The following RELA variants were observed in gnomAD, a reference collection of about 807,000 sequenced individuals.
RELA encodes the protein RELA proto-oncogene, NF-kB subunit.
Under a neutral mutation model 56.7 loss-of-function variants are expected in RELA, and 14 were observed. That is an observed-to-expected ratio of 0.25 (90% CI 0.16 to 0.39). The LOEUF is 0.39. Among genes scored for constraint, RELA ranks in the 10% least tolerant of loss-of-function variants. RELA has a pLI of 1.00. For synonymous variants in RELA, 315 were observed against 289.7 expected (o/e 1.09, Z -0.89); for missense variants, 559 against 736.4 (o/e 0.76, Z 2.79).
Position 65,654,324 on chromosome 11 carries a change from G to A in RELA, c.*54C>T, listed in dbSNP as rs1565187411. ...CCACCAGAATCCGTAAGTGCTTTTGGAGGGCTTCAATCCCCTGCAACCCAG... is the reference window on the plus strand; with the variant it reads ...CCACCAGAATCCGTAAGTGCTTTTGAAGGGCTTCAATCCCCTGCAACCCAG... On this transcript the variant is annotated 3_prime_UTR_variant, in exon 11 of 11. Transcript: ENST00000406246. 5.0e-6 allele frequency: 8 copies of A among 1,612,196 alleles called. No homozygotes were observed. Among genetic ancestry groups the A allele is most frequent in the Non-Finnish European group, 5.9e-6 (7 of 1,179,212 alleles).
chr11:65,662,782 C>T, intron 1 of RELA, 44 bp downstream of exon 1: 2 of 1,193,716 alleles, frequency 1.7e-6, no homozygotes, highest in Non-Finnish European at 1.0e-6. Flanking sequence ...ACAGCCGCGG[C>T]GGCCCCGGCG....
At chr11:65,663,800 C>A (rs1856631232), upstream of RELA, among the ~76,000 whole-genome samples, 1 of 151,286 alleles carries the variant, frequency 6.6e-6, no homozygotes, top group Non-Finnish European at 1.5e-5. Context: ...TGTCATGTGA[C>A]CCCACAGTGC....
Position 65,653,819 on chromosome 11 carries a change from C to T in RELA, c.*559G>A, listed in dbSNP as rs1224537791. 5.8e-6 allele frequency: 1 copy of T among 173,234 alleles called. No individual in the cohort carries two copies. Among genetic ancestry groups the T allele is most frequent in the Non-Finnish European group, 1.2e-5 (1 of 80,468 alleles). 10.7% of individuals were successfully genotyped at this position (173,234 alleles called of 1,614,324 possible). On this transcript the variant is annotated 3_prime_UTR_variant, in exon 11 of 11. Transcript: ENST00000406246. ...ATCCTGGAGAGAGCCAGTGCTGTTGCACTGGTTTCCTTCAGCCATGGTTGA... is the reference window on the plus strand; with the variant it reads ...ATCCTGGAGAGAGCCAGTGCTGTTGTACTGGTTTCCTTCAGCCATGGTTGA...
intron 4 of RELA, among the ~76,000 whole-genome samples, chr11:65,660,966 A>G (rs1165350271): frequency 2.0e-5 from 3 of 149,050 alleles, no homozygotes; most frequent in Non-Finnish European, 4.4e-5. Flanking sequence ...ATGAACCCGG[A>G]AGGTGGAGGT....
chr11:65,658,774 G>C lies in RELA; in HGVS notation c.608C>G (p.Ser203Cys), dbSNP rs1856491874. 6.2e-7 allele frequency: 1 copy of C among 1,614,138 alleles called. No individual in the cohort carries two copies. Among genetic ancestry groups the C allele is most frequent in the Non-Finnish European group, 8.5e-7 (1 of 1,180,020 alleles). ...ELKICRVNRN[S>C]GSCLGGDEIF... ...CTCATCCCCACCGAGGCAGCTGCCA[G>C]AGTTTCGGTTCACTCGGCAGATCTT... Residue 203 changes from serine (S) to cysteine (C), a missense_variant, in exon 7 of 11, where the codon TCT becomes TGT. By Grantham distance (112) the Ser-to-Cys change is moderately radical. Transcript: ENST00000406246. This position sits in a 1 kb window ranked among gnomAD's most constrained non-coding sequence, Gnocchi z 4.5.
rs1856375505 is a variant in RELA at position 65,654,764 on chromosome 11, G to A, written c.1270C>T (p.Pro424Ser). 2 of 1,506,514 alleles carry A rather than the reference G, an allele frequency of 1.3e-6. No homozygotes were observed. The highest frequency in any genetic ancestry group is 2.3e-5 in the Admixed American group (1 of 43,476). 93.3% of individuals were successfully genotyped at this position (1,506,514 alleles called of 1,614,324 possible). The part of the protein sequence containing the change: ...APGPPQAVAP[P>S]APKPTQAGEG... ...CCAGCCTGGGTGGGCTTGGGGGCAG[G>A]TGGGGCCACAGCCTGAGGAGGGCCT... Residue 424 changes from proline to serine, a missense_variant, in exon 11 of 11, where the codon CCT becomes TCT. Pro to Ser is a moderately conservative substitution (Grantham distance 74). Around this residue, in one of 4 missense-constraint regions of RELA, gnomAD observed 365 missense variants for 387.5 expected, o/e 0.94. Transcript: ENST00000406246.
In RELA at chr11:65,662,217, G is replaced by A. The variant is rs1330158674; in HGVS notation, c.8-12C>T. The A allele has an allele frequency of 1.3e-6, 2 of 1,560,594 alleles. No homozygotes were observed. The highest frequency in any genetic ancestry group is 1.2e-5 in the South Asian group (1 of 83,258). ...GAGGGGGAACAGTTCTGAAAGGGGA[G>A]GGAGATCAGGGTCAGCACACACCCA... On this transcript the variant is annotated splice_polypyrimidine_tract_variant and intron_variant, in intron 1 of 10. Coordinates refer to ENST00000406246, the MANE Select transcript of RELA (RefSeq NM_021975.4).
chr11:65,662,426 G>A (rs1177427777), intron 1 of RELA: 3 of 551,558 alleles, frequency 5.4e-6, no homozygotes, highest in Non-Finnish European at 9.3e-6. Flanking sequence ...TCTCCAGAGG[G>A]AAGCTGAATC....
At chr11:65,659,831 G>A (rs1348267539) in intron 5 of RELA, 34 bp from the exon 6 acceptor site, 12 of 1,589,424 alleles carry the variant, frequency 7.5e-6, no homozygotes, top group Non-Finnish European at 1.0e-5. Context: ...GAGAGCAGGG[G>A]AAGTGGGGAT....
At chr11:65,659,250 T>C (rs936446561) in intron 6 of RELA, among the ~76,000 whole-genome samples, 1 of 152,178 alleles carries the variant, frequency 6.6e-6, no homozygotes, top group Admixed American at 6.5e-5. Context: ...TTTCCATTCA[T>C]CCTGCTGGTT....
intron 1 of RELA, chr11:65,662,538 G>A (rs1158025800): frequency 9.2e-6 from 4 of 432,440 alleles, no homozygotes; most frequent in Non-Finnish European, 1.2e-5. Flanking sequence ...ATAGGGAAAC[G>A]AAGCCAGAGC....
rs1418393223 is a variant in RELA at position 65,658,860 on chromosome 11, C to G, written c.560-38G>C. 6 of 1,558,460 alleles carry G rather than the reference C, an allele frequency of 3.8e-6. No homozygotes were observed. Among genetic ancestry groups the G allele is most frequent in the Non-Finnish European group, 5.3e-6 (6 of 1,129,742 alleles). On this transcript the variant is annotated intron_variant, in intron 6 of 10. Coordinates refer to ENST00000406246, the MANE Select transcript of RELA (RefSeq NM_021975.4). This position sits in a 1 kb window ranked among gnomAD's most constrained non-coding sequence, Gnocchi z 4.5. ...AAACAAGGGAGGATGACCTGAGCCACGAGAGGTCCCCAGGGTGGCCTGCAG... is the reference window on the plus strand; with the variant it reads ...AAACAAGGGAGGATGACCTGAGCCAGGAGAGGTCCCCAGGGTGGCCTGCAG...
rs540158560 is a variant in RELA at position 65,654,514 on chromosome 11, G to A, written c.1520C>T (p.Ala507Val). The A allele has an allele frequency of 1.2e-5, 19 of 1,604,590 alleles. No homozygotes were observed. The South Asian group carries it at 1.9e-4, about 16-fold the overall frequency. ...PEAITRLVTG[A>V]QRPPDPAPAP... is the part of the protein sequence containing the mutation. ...AGGAGCTGGGTCGGGGGGCCTCTGG[G>A]CCCCTGTCACTAGGCGAGTTATAGC... Residue 507 changes from alanine to valine, a missense_variant, in exon 11 of 11, where the codon GCC becomes GTC. By Grantham distance (64) the Ala-to-Val change is moderately conservative (BLOSUM62 0). Coordinates refer to ENST00000406246, the MANE Select transcript of RELA (RefSeq NM_021975.4).
intron 1 of RELA, chr11:65,662,601 C>T (rs890381497): frequency 2.6e-6 from 1 of 377,920 alleles, no homozygotes; most frequent in African/African-American, 2.1e-5. Context: ...CTCTGCTCCC[C>T]CACCCAGGGA....
At chr11:65,659,322 A>T (rs1856505325) in intron 6 of RELA, among the ~76,000 whole-genome samples, 1 of 152,194 alleles carries the variant, frequency 6.6e-6, no homozygotes, top group Non-Finnish European at 1.5e-5. Context: ...CCATCACTGA[A>T]TCATCATTCT....
rs746432069 is a variant in RELA at position 65,661,955 on chromosome 11, C to T, written c.168G>A (p.Lys56=). The T allele has an allele frequency of 2.5e-6, 4 of 1,613,796 alleles. No individual in the cohort carries two copies. Among genetic ancestry groups the T allele is most frequent in the South Asian group, 2.2e-5 (2 of 91,022 alleles). ...TGCTGACCTTGATGGTGGGGTGGGT[C>T]TTGGTGGTATCTGTGCTCCTCTCGC... is the stretch of plus-strand genomic sequence containing the variant. ...IPGERSTDTT[K]THPTIKINGY... is the part of the protein sequence containing the mutation. The change falls in exon 3 of 11, where the codon AAG becomes AAA. Residue 56 remains lysine (K), a synonymous_variant. Coordinates refer to ENST00000406246, the MANE Select transcript of RELA (RefSeq NM_021975.4).
rs1266712080 is a variant in RELA at position 65,658,672 on chromosome 11, T to C, written c.664+46A>G. 1 of 1,560,114 alleles carries C rather than the reference T, an allele frequency of 6.4e-7. No homozygotes were observed. The highest frequency in any genetic ancestry group is 1.4e-5 in the African/African-American group (1 of 73,872). ...CTGACACTCCACTTCTCTGCTCAGCTTCACCCCTTGCTCCCAAGAGCCCAC... is the reference window on the plus strand; with the variant it reads ...CTGACACTCCACTTCTCTGCTCAGCCTCACCCCTTGCTCCCAAGAGCCCAC... On this transcript the variant is annotated intron_variant, in intron 7 of 10. Coordinates refer to ENST00000406246, the MANE Select transcript of RELA (RefSeq NM_021975.4). This position sits in a 1 kb window ranked among gnomAD's most constrained non-coding sequence, Gnocchi z 4.5.
chr11:65,657,093 T>C (rs1247024870), intron 8 of RELA, among the ~76,000 whole-genome samples: 1 of 152,000 alleles, frequency 6.6e-6, no homozygotes, highest in Non-Finnish European at 1.5e-5. Context: ...TATGGTGATG[T>C]AACAATACTG....
At chr11:65,660,002 G>A (rs377517463) in intron 5 of RELA, 122 bp downstream of exon 5, 9 of 1,175,018 alleles carry the variant, frequency 7.7e-6, no homozygotes, top group East Asian at 7.0e-5. Context: ...TAAAGTGGGA[G>A]AGTACTGAAT....
Sources: gnomAD v4.1 joint callset for allele counts (sites outside exome capture counted in the v4.1 genomes callset) on GRCh38, gnomAD v4.1.1 for gene constraint, gnomAD v4.1.1 regional missense constraint, Gnocchi (gnomAD v3.1) non-coding constraint, MANE v1.5 for transcripts, NCBI Gene and HGNC (gene_info 2026-07-23, HGNC 2026-07-21) for gene names.